Variants in MPDZ observed in about 807,000 individuals in gnomAD.
MPDZ encodes the protein multiple PDZ domain crumbs cell polarity complex component, also known as multiple PDZ domain protein.
In MPDZ, 234 loss-of-function variants were observed where a neutral mutation model predicts 239.1. The ratio of observed to expected loss-of-function variants is 0.98; its 90% confidence interval spans 0.88 to 1.09. The LOEUF (loss-of-function observed/expected upper bound fraction) is 1.09, where lower values mean the gene tolerates loss of function less well. Ranked by LOEUF, MPDZ falls within the 50% of genes least tolerant of loss-of-function variation. MPDZ has a pLI of 0.00. For missense variants in MPDZ, 3,175 were observed against 2,510.0 expected, an observed-to-expected ratio of 1.26 and a Z score of -5.66; for synonymous variants, 1,048 against 881.3, an observed-to-expected ratio of 1.19 and a Z score of -3.35.
chr9:13,166,013 T>C (rs1951029551), intron 22 of MPDZ, among the ~76,000 whole-genome samples: 1 of 152,144 alleles, frequency 6.6e-6, no homozygotes, highest in Admixed American at 6.6e-5. Flanking sequence ...CAATAAGCAA[T>C]GCTTTCCCTA....
intron 12 of MPDZ, among the ~76,000 whole-genome samples, chr9:13,198,638 A>G (rs1281413086): frequency 6.6e-6 from 1 of 151,654 alleles, no homozygotes; most frequent in East Asian, 1.9e-4. Flanking sequence ...TGCTTTTGTG[A>G]AATTACATAA....
chr9:13,139,012 C>T (rs1947261632), intron 28 of MPDZ, among the ~76,000 whole-genome samples: 1 of 152,218 alleles, frequency 6.6e-6, no homozygotes, highest in African/African-American at 2.4e-5. Context: ...CTCAAGATTA[C>T]ATTCTGACCA....
chr9:13,140,025 T>C lies in MPDZ; in HGVS notation c.3965A>G (p.Gln1322Arg). The C allele has an allele frequency of 6.2e-7, 1 of 1,613,242 alleles. No homozygotes were observed. The highest frequency in any genetic ancestry group is 8.5e-7 in the Non-Finnish European group (1 of 1,179,662). ...HTQSSASKIS[Q>R]DVDKEDEFGY... Reference sequence around the variant, plus strand: ...AAACTCATCCTCTTTGTCCACATCTTGTGAGATTTTGCTTGCAGATGACTG... The same window carrying C: ...AAACTCATCCTCTTTGTCCACATCTCGTGAGATTTTGCTTGCAGATGACTG... The change falls in exon 28 of 47, where the codon CAA (glutamine) becomes CGA (arginine). Residue 1322 changes from glutamine to arginine, a missense_variant. Coordinates refer to ENST00000319217, the MANE Select transcript of MPDZ (RefSeq NM_001378778.1).
At chr9:13,209,278 A>G (rs1489199654) in intron 10 of MPDZ, among the ~76,000 whole-genome samples, 1 of 152,186 alleles carries the variant, frequency 6.6e-6, no homozygotes, top group Admixed American at 6.5e-5. Context: ...TTAACCACAC[A>G]TGTGTGCATA....
chr9:13,273,802 C>G (rs1478307055), intron 1 of MPDZ, among the ~76,000 whole-genome samples: 1 of 152,104 alleles, frequency 6.6e-6, no homozygotes. Flanking sequence ...TAATTTTAAG[C>G]AGAAATCAAA....
At chr9:13,124,356 T>A (rs981251564) in intron 35 of MPDZ, among the ~76,000 whole-genome samples, 1 of 152,222 alleles carries the variant, frequency 6.6e-6, no homozygotes, top group South Asian at 2.1e-4. Context: ...ACTTTAAGAC[T>A]TTTTCATCCA....
At chr9:13,175,220 G>A (rs1952304018) in intron 21 of MPDZ, among the ~76,000 whole-genome samples, 1 of 152,088 alleles carries the variant, frequency 6.6e-6, no homozygotes, top group South Asian at 2.1e-4. Flanking sequence ...CCAATTCAGA[G>A]GGTTTTGTGG....
At chr9:13,210,507 T>C (rs1957495937) in intron 10 of MPDZ, among the ~76,000 whole-genome samples, 1 of 151,924 alleles carries the variant, frequency 6.6e-6, no homozygotes, top group African/African-American at 2.4e-5. Flanking sequence ...CAAAGTCACC[T>C]GCAGAAGAGG....
At chr9:13,123,094 C>G (rs1455795077) in intron 36 of MPDZ, 59 bp downstream of exon 36, 2 of 1,491,776 alleles carry the variant, frequency 1.3e-6, no homozygotes, top group Admixed American at 2.1e-5. Flanking sequence ...TCCCCATAAT[C>G]GTCTCTGAGG....
chr9:13,240,711 C>T (rs1212357143), intron 3 of MPDZ, among the ~76,000 whole-genome samples: 3 of 150,548 alleles, frequency 2.0e-5, no homozygotes, highest in African/African-American at 7.3e-5. Context: ...AATTTCCTCA[C>T]TGGATAAAAT....
At chr9:13,125,786 A>C (rs904278195) in intron 34 of MPDZ, among the ~76,000 whole-genome samples, 2 of 152,218 alleles carry the variant, frequency 1.3e-5, no homozygotes, top group African/African-American at 4.8e-5. Context: ...ATAAAATAGA[A>C]ACACATATGT....
At chr9:13,130,050 A>C (rs1945727953) in intron 32 of MPDZ, among the ~76,000 whole-genome samples, 1 of 152,210 alleles carries the variant, frequency 6.6e-6, no homozygotes, top group South Asian at 2.1e-4. Context: ...ACTTGTATGG[A>C]TATGAAACAC....
At chr9:13,207,135 C>G (rs965656589) in intron 10 of MPDZ, among the ~76,000 whole-genome samples, 2 of 151,966 alleles carry the variant, frequency 1.3e-5, no homozygotes, top group African/African-American at 2.4e-5. Flanking sequence ...TTTATATGGC[C>G]TTTCAAAAAA....
chr9:13,189,004 G>A lies in MPDZ; in HGVS notation c.2155-11C>T. 1 of 1,606,060 alleles carries A rather than the reference G, an allele frequency of 6.2e-7. No homozygotes were observed. ...TGGATCAATTGGATCCTGACAGAAG[G>A]CAAAAGGAAAGAGTCAGCTCATTTT... is the stretch of plus-strand genomic sequence containing the variant. On this transcript the variant is annotated splice_polypyrimidine_tract_variant and intron_variant, in intron 16 of 46. Transcript: ENST00000319217.
In MPDZ at chr9:13,163,926, T is replaced by A. The variant is rs186541968; in HGVS notation, c.3255-1131A>T. ...CACTCTTTCACTTCAAAGTGCGAGGTCACTTGGGTTTGGAGTCGGAAGACA... is the reference window on the plus strand; with the variant it reads ...CACTCTTTCACTTCAAAGTGCGAGGACACTTGGGTTTGGAGTCGGAAGACA... On this transcript the variant is annotated intron_variant, in intron 22 of 46. Transcript: ENST00000319217. Among the ~76,000 whole-genome samples, 563 of 152,224 alleles carry A rather than the reference T, an allele frequency of 3.7e-3. 2 individuals are homozygous for A. Among genetic ancestry groups the A allele is most frequent in the African/African-American group, 0.013 (524 of 41,554 alleles).
chr9:13,255,692 G>C (rs1055631938), intron 1 of MPDZ, among the ~76,000 whole-genome samples: 3 of 152,158 alleles, frequency 2.0e-5, no homozygotes, highest in African/African-American at 7.2e-5. Flanking sequence ...TTTCTGAGCA[G>C]TAGGTCTCAA....
chr9:13,162,598 C>A (rs1587402793), intron 23 of MPDZ, 93 bp downstream of exon 23: 2 of 625,966 alleles, frequency 3.2e-6, no homozygotes, highest in East Asian at 6.0e-5. Context: ...GGATTCAGAC[C>A]TTTTCTTTGC....
intron 3 of MPDZ, among the ~76,000 whole-genome samples, chr9:13,232,225 T>C (rs1962698432): frequency 6.6e-6 from 1 of 152,166 alleles, no homozygotes; most frequent in South Asian, 2.1e-4. Context: ...TAAGTGAACT[T>C]AGTAAGTTGG....
intron 3 of MPDZ, among the ~76,000 whole-genome samples, chr9:13,225,489 C>CTCA (rs1430261800): frequency 6.6e-6 from 1 of 151,918 alleles, no homozygotes; most frequent in African/African-American, 2.4e-5. Flanking sequence ...GCACTCACCA[C>CTCA]TCACTCACTG....
Sources: allele counts gnomAD v4.1 joint callset (sites outside exome capture counted in the v4.1 genomes callset), GRCh38; gene constraint gnomAD v4.1.1; transcripts MANE v1.5; gene names NCBI Gene and HGNC (gene_info 2026-07-23, HGNC 2026-07-21).